Variants in SCN9A observed in about 807,000 individuals in gnomAD.
SCN9A encodes sodium channel protein type 9 subunit alpha.
Under a neutral mutation model 187.0 loss-of-function variants are expected in SCN9A, and 131 were observed. That is an observed-to-expected ratio of 0.70 (90% confidence interval 0.61 to 0.81). The LOEUF (loss-of-function observed/expected upper bound fraction) is 0.81. SCN9A is among the 30% of genes least tolerant of loss of function. The pLI is 0.00. For missense variants in SCN9A, 2,252 were observed against 2,396.6 expected (o/e 0.94, Z 1.26); for synonymous variants, 809 against 808.6 (o/e 1.00, Z -0.01).
intron 16 of SCN9A, among the ~76,000 whole-genome samples, chr2:166,273,248 A>G (rs774519411): frequency 4.6e-5 from 7 of 152,156 alleles, no homozygotes; most frequent in Admixed American, 3.3e-4. Context: ...CCTAGCATTC[A>G]TCTATCATTA....
At chr2:166,304,439 G>T in intron 5 of SCN9A, 110 bp from the exon 6 acceptor site, 1 of 861,292 alleles carries the variant, frequency 1.2e-6, no homozygotes. Context: ...TAAATGTATA[G>T]TTCTGCAAGT....
chr2:166,232,676 A>C (rs984001573), intron 21 of SCN9A, among the ~76,000 whole-genome samples: 14 of 151,676 alleles, frequency 9.2e-5, no homozygotes, highest in African/African-American at 3.4e-4. Context: ...AGATAAAGGC[A>C]GGATTACTGT....
chr2:166,247,157 C>CAAAAAAAAAAA (rs35833662), intron 18 of SCN9A, among the ~76,000 whole-genome samples: 15 of 41,722 alleles, frequency 3.6e-4, no homozygotes, highest in Admixed American at 1.6e-3. Context: ...CCAAAGCTCT[C>CAAAAAAAAAAA]AAAAAAAAAA....
At chr2:166,271,179 G>A (rs1696966182) in intron 17 of SCN9A, among the ~76,000 whole-genome samples, 1 of 136,892 alleles carries the variant, frequency 7.3e-6, no homozygotes, top group Non-Finnish European at 1.6e-5. Flanking sequence ...AATCCAGGAA[G>A]AAGTATAAAA....
chr2:166,341,908 G>A (rs1699794540), intron 1 of SCN9A, among the ~76,000 whole-genome samples: 2 of 152,032 alleles, frequency 1.3e-5, no homozygotes, highest in Non-Finnish European at 2.9e-5. Context: ...GAAAGGTTTC[G>A]GTTTTAACCT....
At chr2:166,284,380 C>T in intron 12 of SCN9A, 73 bp downstream of exon 12, 2 of 1,518,810 alleles carry the variant, frequency 1.3e-6, no homozygotes, top group South Asian at 1.2e-5. Flanking sequence ...CCAGAGAAGG[C>T]CCTTCAGCAG....
chr2:166,367,386 C>T (rs186461495), intron 1 of SCN9A, among the ~76,000 whole-genome samples: 1 of 152,288 alleles, frequency 6.6e-6, no homozygotes, highest in African/African-American at 2.4e-5. Context: ...CCTCAGCCTC[C>T]CGAGAAGCTG....
At chr2:166,296,563 T>G (rs1574889128) in intron 7 of SCN9A, among the ~76,000 whole-genome samples, 1 of 152,210 alleles carries the variant, frequency 6.6e-6, no homozygotes. Context: ...AAGGATGGAT[T>G]ACTTTAGAAT....
At chr2:166,235,023 C>A (rs560074202) in intron 20 of SCN9A, among the ~76,000 whole-genome samples, 7 of 152,274 alleles carry the variant, frequency 4.6e-5, no homozygotes, top group African/African-American at 1.7e-4. Context: ...TGCCTTGGGA[C>A]TCTCTGGTGT....
chr2:166,302,979 A>G, intron 7 of SCN9A, 111 bp downstream of exon 7: 1 of 863,648 alleles, frequency 1.2e-6, no homozygotes, highest in Non-Finnish European at 1.8e-6. Flanking sequence ...AGCTTTCTAT[A>G]TATTTGAATA....
intron 1 of SCN9A, among the ~76,000 whole-genome samples, chr2:166,363,648 A>G (rs1700342875): frequency 6.6e-6 from 1 of 152,106 alleles, no homozygotes; most frequent in South Asian, 2.1e-4. Flanking sequence ...GGTATGGGAA[A>G]GCTGGAAACT....
chr2:166,292,388 T>C (rs1034388513), intron 9 of SCN9A, among the ~76,000 whole-genome samples: 1 of 152,176 alleles, frequency 6.6e-6, no homozygotes, highest in African/African-American at 2.4e-5. Flanking sequence ...TCTTTAATTT[T>C]GAGTAAAGGT....
intron 20 of SCN9A, 99 bp from the exon 21 acceptor site, chr2:166,233,561 C>T: frequency 2.2e-6 from 2 of 890,222 alleles, no homozygotes; most frequent in Non-Finnish European, 3.3e-6. Context: ...TCAACAGGAA[C>T]AATAAGATGG....
intron 17 of SCN9A, among the ~76,000 whole-genome samples, chr2:166,258,896 T>C (rs1009264344): frequency 2.1e-4 from 32 of 151,514 alleles, no homozygotes; most frequent in Non-Finnish European, 4.1e-4. Flanking sequence ...TTGATAGAGG[T>C]TTTCAAATTA....
At position 166,265,951 on chromosome 2, in the gene SCN9A, T is replaced by C. The variant is rs917805308; in HGVS notation, c.3351+6448A>G. 2.0e-5 allele frequency among the ~76,000 whole-genome samples: 3 copies of C among 152,132 alleles called. No individual in the cohort carries two copies. In the East Asian group the frequency reaches 5.8e-4, roughly 29 times the overall value. On this transcript the variant is annotated intron_variant, in intron 17 of 26. Transcript: ENST00000642356. Reference sequence around the variant, plus strand: ...TGAGTTGTTTGAGTTCCTTGTATGTTTTAGATATTAACCCATTATCAGATG... The same window carrying C: ...TGAGTTGTTTGAGTTCCTTGTATGTCTTAGATATTAACCCATTATCAGATG...
At chr2:166,215,379 A>G (rs1022449587) in intron 24 of SCN9A, among the ~76,000 whole-genome samples, 1 of 152,166 alleles carries the variant, frequency 6.6e-6, no homozygotes. Context: ...CTAATATTAC[A>G]TCTTAGAGAT....
chr2:166,203,524 T>C (rs1314654542), intron 26 of SCN9A, among the ~76,000 whole-genome samples: 1 of 151,932 alleles, frequency 6.6e-6, no homozygotes, highest in Non-Finnish European at 1.5e-5. Flanking sequence ...TAACTTCACT[T>C]TAAATTCTGG....
chr2:166,268,743 C>G (rs903857313), intron 17 of SCN9A, among the ~76,000 whole-genome samples: 3 of 151,902 alleles, frequency 2.0e-5, no homozygotes, highest in East Asian at 3.9e-4. Context: ...AGATCTTGAA[C>G]CTTCATTATT....
chr2:166,247,403 T>C (rs1270012568), intron 18 of SCN9A, among the ~76,000 whole-genome samples: 1 of 152,152 alleles, frequency 6.6e-6, no homozygotes, highest in African/African-American at 2.4e-5. Flanking sequence ...ATTGTGTTAC[T>C]AAAGTTAGAA....
Sources: gnomAD v4.1 joint callset for allele counts (sites outside exome capture counted in the v4.1 genomes callset) on GRCh38, gnomAD v4.1.1 for gene constraint, MANE v1.5 for transcripts, NCBI Gene and HGNC (gene_info 2026-07-23, HGNC 2026-07-21) for gene names.